Variants in CELF2 observed in about 807,000 individuals in gnomAD.
CELF2 encodes CUG triplet repeat RNA-binding protein 2.
In CELF2, 8 loss-of-function variants were observed where a neutral mutation model predicts 62.6. That is an observed-to-expected ratio of 0.13 (90% CI 0.07 to 0.23). The LOEUF is 0.23. Ranked by LOEUF, CELF2 falls within the 10% of genes least tolerant of loss-of-function variation. The pLI is 1.00. For missense variants in CELF2, 333 were observed against 671.0 expected (o/e 0.50, Z 5.56); for synonymous variants, 258 against 250.0 (o/e 1.03, Z -0.30).
At chr10:11,176,261 C>G (rs1249092970) in intron 2 of CELF2, among the ~76,000 whole-genome samples, 1 of 152,164 alleles carries the variant, frequency 6.6e-6, no homozygotes, top group Admixed American at 6.5e-5. Flanking sequence ...CACTGATGAG[C>G]CTTTCTGAGG....
At position 11,110,213 on chromosome 10, in the gene CELF2, G is replaced by A. The variant is rs1266016822; in HGVS notation, c.75-55273G>A. ...CACTTGAGCCTGAGAGGTCAAGGCT[G>A]CATGGAACCCTGAACGTCCTACCGC... On this transcript the variant is annotated intron_variant, in intron 1 of 12. Coordinates refer to ENST00000633077, the MANE Select transcript of CELF2 (RefSeq NM_001326342.2). This position sits in a 1 kb window ranked among gnomAD's most constrained non-coding sequence, Gnocchi z 4.0. Among the ~76,000 whole-genome samples the A allele has an allele frequency of 6.6e-6, 1 of 152,126 alleles. No individual in the cohort carries two copies. Among genetic ancestry groups the A allele is most frequent in the Non-Finnish European group, 1.5e-5 (1 of 68,022 alleles).
rs960464673 is a variant in CELF2, at chr10:10,936,209, A to G, written c.89+16210A>G. Among the ~76,000 whole-genome samples, 3 of 152,120 alleles carry G rather than the reference A, an allele frequency of 2.0e-5. No individual in the cohort carries two copies. Among genetic ancestry groups the G allele is most frequent in the Non-Finnish European group, 4.4e-5 (3 of 68,018 alleles). On this transcript the variant is annotated intron_variant, in intron 2 of 13. Transcript: ENST00000636488. The surrounding 1 kb of genome is among the most constrained non-coding windows in gnomAD (Gnocchi z 4.0). The stretch of plus-strand genomic sequence containing the variant: ...TAAAGAGAGAGAAAAGAAAGAAACA[A>G]TAAGTCTTGCAGAGGTTAGAAAGAA...
chr10:10,799,128 AG>A (rs1266099458), intron 1 of CELF2, among the ~76,000 whole-genome samples: 1 of 152,174 alleles, frequency 6.6e-6, no homozygotes, highest in African/African-American at 2.4e-5. Context: ...TTTGGGCTTC[AG>A]GGGGGCATTA....
chr10:10,922,875 G>T (rs1366832915), intron 2 of CELF2: 1 of 152,164 alleles, frequency 6.6e-6, no homozygotes, highest in East Asian at 1.9e-4. Flanking sequence ...GACTTCTCCA[G>T]GGGCAGTTTG....
At chr10:11,032,029 G>A (rs2060194237) in intron 1 of CELF2, among the ~76,000 whole-genome samples, 1 of 151,692 alleles carries the variant, frequency 6.6e-6, no homozygotes, top group Non-Finnish European at 1.5e-5. Flanking sequence ...TTAGATCGAA[G>A]CATGATAGGC....
intron 2 of CELF2, among the ~76,000 whole-genome samples, chr10:11,209,103 C>T (rs1164458424): frequency 6.6e-6 from 1 of 152,124 alleles, no homozygotes; most frequent in African/African-American, 2.4e-5. Flanking sequence ...TTTTTTCATG[C>T]CCCTGGTTCC....
At chr10:10,943,658 G>A (rs2047300223) in intron 2 of CELF2, among the ~76,000 whole-genome samples, 1 of 152,110 alleles carries the variant, frequency 6.6e-6, no homozygotes. Context: ...GAGTGCAGTG[G>A]CACAATCTTG....
chr10:11,093,407 T>C (rs929138962), intron 1 of CELF2, among the ~76,000 whole-genome samples: 3 of 152,180 alleles, frequency 2.0e-5, no homozygotes, highest in Non-Finnish European at 4.4e-5. Flanking sequence ...CTAATAAAAA[T>C]TTTAATTTAT....
chr10:11,176,152 C>T (rs596417), intron 2 of CELF2, among the ~76,000 whole-genome samples: 7,253 of 152,170 alleles, frequency 0.048, 215 homozygotes, highest in South Asian at 0.089. Context: ...TTTTTCCTTT[C>T]GGTTACATGC....
chr10:11,157,530 A>G lies in CELF2; in HGVS notation c.75-7956A>G, dbSNP rs1029774553. On this transcript the variant is annotated intron_variant, in intron 1 of 12. Transcript: ENST00000633077. This position sits in a 1 kb window ranked among gnomAD's most constrained non-coding sequence, Gnocchi z 4.9. ...ACTCCAGGCCTTTATTTATTGCTCT[A>G]TTATAGGCCTTATACCACATTGGTT... Among the ~76,000 whole-genome samples, 17 of 152,256 alleles carry G rather than the reference A, an allele frequency of 1.1e-4. No individual in the cohort carries two copies. Among genetic ancestry groups the G allele is most frequent in the East Asian group, 7.7e-4 (4 of 5,172 alleles).
chr10:10,506,784 C>G, the CELF2 span, among the ~76,000 whole-genome samples: 1 of 140,098 alleles, frequency 7.1e-6, no homozygotes, highest in Non-Finnish European at 1.5e-5. Flanking sequence ...TCTGCCTAAG[C>G]CTCCCGAGTA....
At position 11,244,935 on chromosome 10, in the gene CELF2, C is replaced by T. The variant is rs538310918; in HGVS notation, c.355-4218C>T. 4.6e-5 allele frequency among the ~76,000 whole-genome samples: 7 copies of T among 152,116 alleles called. No homozygotes were observed. Among genetic ancestry groups the T allele is most frequent in the Admixed American group, 1.3e-4 (2 of 15,272 alleles). On this transcript the variant is annotated intron_variant, in intron 3 of 12. Coordinates refer to ENST00000633077, the MANE Select transcript of CELF2 (RefSeq NM_001326342.2). The surrounding 1 kb of genome is among the most constrained non-coding windows in gnomAD (Gnocchi z 4.2). ...TGGTGTCTCTTCTCTGAGTTCGCAC[C>T]GTACAGCTCTTACCACGTCTCTTAT...
chr10:11,288,385 G>A (rs2091867086), intron 8 of CELF2, 33 bp from the exon 9 acceptor site: 1 of 1,611,852 alleles, frequency 6.2e-7, no homozygotes, highest in Non-Finnish European at 8.5e-7. Flanking sequence ...TGTGAGGCCT[G>A]TTGCTGAAAG....
At chr10:10,624,492 A>C in the CELF2 span, among the ~76,000 whole-genome samples, 1 of 152,208 alleles carries the variant, frequency 6.6e-6, no homozygotes, top group Non-Finnish European at 1.5e-5. Context: ...AGCTCCCTTC[A>C]TCTATTCACA....
At chr10:10,882,053 G>C (rs891048489) in intron 1 of CELF2, among the ~76,000 whole-genome samples, 23 of 152,308 alleles carry the variant, frequency 1.5e-4, no homozygotes, top group African/African-American at 4.6e-4. Flanking sequence ...CCAGCGGATT[G>C]CTATCCTAAC....
chr10:10,690,510 C>T, the CELF2 span, among the ~76,000 whole-genome samples: 1 of 152,186 alleles, frequency 6.6e-6, no homozygotes, highest in African/African-American at 2.4e-5. Context: ...TGCCTACCCG[C>T]TCCCATCAAG....
chr10:11,015,788 A>C (rs373053905), upstream of CELF2, among the ~76,000 whole-genome samples: 13 of 152,226 alleles, frequency 8.5e-5, no homozygotes, highest in East Asian at 1.9e-4. This position sits in a 1 kb window ranked among gnomAD's most constrained non-coding sequence, Gnocchi z 4.8. Context: ...TGAGGCTAGA[A>C]TTTAACAAAC....
At chr10:11,276,771 G>A (rs1193084392) in intron 8 of CELF2, among the ~76,000 whole-genome samples, 1 of 152,236 alleles carries the variant, frequency 6.6e-6, no homozygotes, top group East Asian at 1.9e-4. Flanking sequence ...CGGGTGGACA[G>A]CGTGCCCTGT....
chr10:10,752,875 C>A, the CELF2 span, among the ~76,000 whole-genome samples: 1 of 148,302 alleles, frequency 6.7e-6, no homozygotes, highest in Non-Finnish European at 1.5e-5. Context: ...CAGAATTATT[C>A]TGTTGCTAAT....
Sources: gnomAD v4.1 joint callset for allele counts (sites outside exome capture counted in the v4.1 genomes callset) on GRCh38, gnomAD v4.1.1 for gene constraint, Gnocchi (gnomAD v3.1) non-coding constraint, MANE v1.5 for transcripts, NCBI Gene and HGNC (gene_info 2026-07-23, HGNC 2026-07-21) for gene names.